The following PIK3CB variants were observed in gnomAD, a reference collection of about 807,000 sequenced individuals.
PIK3CB encodes the protein phosphatidylinositol 4,5-bisphosphate 3-kinase catalytic subunit beta isoform.
PIK3CB carries 39 observed loss-of-function variants against 136.8 expected under a neutral mutation model. The ratio of observed to expected loss-of-function variants is 0.29; its 90% CI spans 0.22 to 0.37. PIK3CB has a LOEUF of 0.37. Ranked by LOEUF, PIK3CB falls within the 10% of genes least tolerant of loss-of-function variation. PIK3CB has a pLI of 1.00. For missense variants in PIK3CB, 868 were observed against 1,275.4 expected (o/e 0.68, Z 4.87); for synonymous variants, 428 against 436.6 (o/e 0.98, Z 0.25).
rs1188024151 is a variant in PIK3CB, at chr3:138,765,151, C to T, written c.-16-5792G>A. Among the ~76,000 whole-genome samples, 8 of 152,228 alleles carry T rather than the reference C, an allele frequency of 5.3e-5. No individual in the cohort carries two copies. In the East Asian group the frequency reaches 1.5e-3, roughly 29 times the overall value. Reference sequence around the variant, plus strand: ...CCTGGCCAACATGGCGAAACCCTGTCTCTACTAAAAATACAAAAATTAGCT... The same window carrying T: ...CCTGGCCAACATGGCGAAACCCTGTTTCTACTAAAAATACAAAAATTAGCT... On this transcript the variant is annotated intron_variant, in intron 2 of 23. Coordinates refer to ENST00000674063, the MANE Select transcript of PIK3CB (RefSeq NM_006219.3).
chr3:138,752,801 T>TA (rs904372807), intron 4 of PIK3CB, among the ~76,000 whole-genome samples: 13 of 151,350 alleles, frequency 8.6e-5, no homozygotes, highest in South Asian at 4.2e-4. Flanking sequence ...GTTGCCAGGT[T>TA]AAAAAAAAAC....
intron 2 of PIK3CB, among the ~76,000 whole-genome samples, chr3:138,786,328 G>A (rs1207779191): frequency 6.6e-6 from 1 of 151,976 alleles, no homozygotes. Context: ...AAAAAGTTTA[G>A]GTCCTTTTTG....
intron 22 of PIK3CB, chr3:138,657,406 C>T (rs2043210693): frequency 3.5e-6 from 1 of 287,426 alleles, no homozygotes. Context: ...ATCTTCCTAT[C>T]AACTGTCTTA....
chr3:138,811,661 T>C (rs75158461), intron 1 of PIK3CB, among the ~76,000 whole-genome samples: 31 of 152,234 alleles, frequency 2.0e-4, no homozygotes, highest in Admixed American at 1.6e-3. Context: ...CCTGACCTCA[T>C]GATCCGCCCG....
chr3:138,804,240 A>G (rs978763797), intron 1 of PIK3CB, among the ~76,000 whole-genome samples: 1 of 152,184 alleles, frequency 6.6e-6, no homozygotes, highest in Non-Finnish European at 1.5e-5. Flanking sequence ...CAGGCCAGGC[A>G]TGGTAGTTCA....
In PIK3CB at chr3:138,775,509, G is replaced by C. The variant is rs546700212; in HGVS notation, c.-16-16150C>G. On this transcript the variant is annotated intron_variant, in intron 2 of 23. Transcript: ENST00000674063. ...CGACCTCCCAGAGCCTCAACCAGAA[G>C]GGATGAGGATGGAATACTGGAAAAG... Among the ~76,000 whole-genome samples the C allele has an allele frequency of 2.0e-5, 3 of 152,224 alleles. No individual in the cohort carries two copies. In the South Asian group the frequency reaches 6.2e-4, roughly 32 times the overall value.
At chr3:138,685,894 T>C (rs898093758) in intron 16 of PIK3CB, among the ~76,000 whole-genome samples, 2 of 152,182 alleles carry the variant, frequency 1.3e-5, no homozygotes, top group African/African-American at 2.4e-5. Context: ...CCCAGCACTT[T>C]GGGAAACTGA....
At chr3:138,744,448 C>T (rs1002239780) in intron 4 of PIK3CB, among the ~76,000 whole-genome samples, 2 of 119,952 alleles carry the variant, frequency 1.7e-5, no homozygotes, top group African/African-American at 6.0e-5. Flanking sequence ...TAAATGTCTT[C>T]ATAACTCATC....
At chr3:138,817,263 CG>C (rs1023601596) in intron 1 of PIK3CB, among the ~76,000 whole-genome samples, 25 of 151,722 alleles carry the variant, frequency 1.6e-4, no homozygotes, top group African/African-American at 5.3e-4. Flanking sequence ...GCATGAACCC[CG>C]GGGGGCGGAG....
chr3:138,744,148 T>C (rs1373848407), intron 4 of PIK3CB, among the ~76,000 whole-genome samples: 1 of 151,754 alleles, frequency 6.6e-6, no homozygotes, highest in African/African-American at 2.4e-5. Context: ...TCCCAGCACT[T>C]TGGGAGGCTG....
intron 4 of PIK3CB, 34 bp downstream of exon 4, chr3:138,755,720 A>C: frequency 9.7e-7 from 1 of 1,029,158 alleles, no homozygotes; most frequent in Non-Finnish European, 1.5e-6. Context: ...AGATATATTA[A>C]GAATTTGTAC....
chr3:138,746,507 A>G (rs544202738), intron 4 of PIK3CB, among the ~76,000 whole-genome samples: 2 of 151,828 alleles, frequency 1.3e-5, no homozygotes, highest in African/African-American at 4.8e-5. Context: ...AAAAATACAA[A>G]AAAATTAGCC....
At chr3:138,716,588 C>T (rs1016502018) in intron 8 of PIK3CB, among the ~76,000 whole-genome samples, 1 of 152,024 alleles carries the variant, frequency 6.6e-6, no homozygotes, top group African/African-American at 2.4e-5. Context: ...AAATACTATA[C>T]TATAGCAAAA....
intron 12 of PIK3CB, among the ~76,000 whole-genome samples, chr3:138,703,235 A>G (rs2044290799): frequency 6.6e-6 from 1 of 152,242 alleles, no homozygotes; most frequent in Admixed American, 6.5e-5. Flanking sequence ...AAGCAGTAGC[A>G]GATGACTCAC....
chr3:138,674,482 ATAATTAG>A (rs2043604462), intron 19 of PIK3CB, among the ~76,000 whole-genome samples: 1 of 152,144 alleles, frequency 6.6e-6, no homozygotes, highest in Non-Finnish European at 1.5e-5. Context: ...TAAACTTTAC[ATAATTAG>A]TTCAAAAAAG....
chr3:138,784,444 C>A (rs962976355), intron 2 of PIK3CB, among the ~76,000 whole-genome samples: 3 of 152,106 alleles, frequency 2.0e-5, no homozygotes, highest in Non-Finnish European at 4.4e-5. Context: ...TCTCCGTCTC[C>A]GTCTCCCACT....
chr3:138,760,462 C>T (rs2045648085), intron 2 of PIK3CB, among the ~76,000 whole-genome samples: 1 of 152,168 alleles, frequency 6.6e-6, no homozygotes, highest in Non-Finnish European at 1.5e-5. Flanking sequence ...CCAACAAATG[C>T]ACCCTTTAAT....
intron 5 of PIK3CB, among the ~76,000 whole-genome samples, chr3:138,741,328 C>T (rs1367541506): frequency 1.3e-5 from 2 of 152,212 alleles, no homozygotes; most frequent in African/African-American, 4.8e-5. Context: ...TCCTTTCAGT[C>T]TCTTCACTGT....
rs766923516 is a variant in PIK3CB, at chr3:138,665,182, T to C, written c.2526A>G (p.Leu842=). 2 of 1,607,144 alleles carry C rather than the reference T, an allele frequency of 1.2e-6. No individual in the cohort carries two copies. The highest frequency in any genetic ancestry group is 1.7e-6 in the Non-Finnish European group (2 of 1,176,222). Residue 842 remains leucine (L), a synonymous_variant, in exon 20 of 24, where the codon TTA becomes TTG. Coordinates refer to ENST00000674063, the MANE Select transcript of PIK3CB (RefSeq NM_006219.3). ...LDLRMLPYGC[L]ATGDRSGLIE... is the part of the protein sequence containing the mutation. ...TGAGGCCAGAGCGATCTCCTGTTGC[T>C]AAACAGCCATAAGGCAACATCCTGG...
Sources: gnomAD v4.1 joint callset for allele counts (sites outside exome capture counted in the v4.1 genomes callset) on GRCh38, gnomAD v4.1.1 for gene constraint, MANE v1.5 for transcripts, NCBI Gene and HGNC (gene_info 2026-07-23, HGNC 2026-07-21) for gene names.